ULK4: variants seen among roughly 807,000 people sequenced by gnomAD.
ULK4 encodes the protein inactive serine/threonine-protein kinase ULK4.
In ULK4, 133 loss-of-function variants were observed where a neutral mutation model predicts 160.6. The ratio of observed to expected loss-of-function variants is 0.83; its 90% CI spans 0.72 to 0.96. ULK4 has a LOEUF of 0.96. Among genes scored for constraint, ULK4 ranks in the 40% least tolerant of loss-of-function variants. The pLI, the probability that ULK4 is intolerant of heterozygous loss-of-function variation, is 0.00. For synonymous variants in ULK4, 534 were observed against 539.8 expected, an observed-to-expected ratio of 0.99 and a Z score of 0.15; for missense variants, 1,580 against 1,499.5, an observed-to-expected ratio of 1.05 and a Z score of -0.89.
chr3:41,942,255 A>ACGC (rs1699982136), intron 2 of ULK4, among the ~76,000 whole-genome samples: 1 of 152,246 alleles, frequency 6.6e-6, no homozygotes, highest in African/African-American at 2.4e-5. Flanking sequence ...GCAGTGGCTA[A>ACGC]CACCTGTAAA....
chr3:41,687,822 T>C (rs1340449539), intron 27 of ULK4: 1 of 152,246 alleles, frequency 6.6e-6, no homozygotes, highest in Non-Finnish European at 1.5e-5. Context: ...ATATTCCTGA[T>C]AATGTACTTG....
intron 32 of ULK4, among the ~76,000 whole-genome samples, chr3:41,519,511 A>G (rs1427712353): frequency 6.6e-6 from 1 of 152,208 alleles, no homozygotes; most frequent in African/African-American, 2.4e-5. Context: ...GAGACATTTG[A>G]TGTTCCTCAG....
In ULK4 at chr3:41,495,039, C is replaced by T. The variant is rs1486042196; in HGVS notation, c.3227-31786G>A. Among the ~76,000 whole-genome samples, 5 of 152,192 alleles carry T rather than the reference C, an allele frequency of 3.3e-5. No individual in the cohort carries two copies. The East Asian group carries it at 7.7e-4, about 23-fold the overall frequency. Reference sequence around the variant, plus strand: ...TTTATAGATTCAATGCCATCCCCATCAAGCTACCAACGACTTTCTTCACAG... The same window carrying T: ...TTTATAGATTCAATGCCATCCCCATTAAGCTACCAACGACTTTCTTCACAG... On this transcript the variant is annotated intron_variant, in intron 32 of 36. Coordinates refer to ENST00000301831, the MANE Select transcript of ULK4 (RefSeq NM_017886.4).
At chr3:41,376,275 A>G (rs148250057) in intron 35 of ULK4, among the ~76,000 whole-genome samples, 12 of 150,464 alleles carry the variant, frequency 8.0e-5, no homozygotes, top group Admixed American at 2.0e-4. Flanking sequence ...TTTTCTGGGT[A>G]CATATCCAAA....
intron 35 of ULK4, among the ~76,000 whole-genome samples, chr3:41,272,000 T>A (rs934539701): frequency 1.3e-5 from 2 of 152,198 alleles, no homozygotes; most frequent in Admixed American, 6.5e-5. Context: ...CACTGCAACC[T>A]CTGCCTCCCA....
chr3:41,754,713 TAA>T (rs2038740336), intron 21 of ULK4, among the ~76,000 whole-genome samples: 1 of 152,162 alleles, frequency 6.6e-6, no homozygotes, highest in Non-Finnish European at 1.5e-5. Context: ...GTCCCCGCTT[TAA>T]AGAGAAAAAT....
chr3:41,307,895 G>A (rs10212258), intron 35 of ULK4, among the ~76,000 whole-genome samples: 43,887 of 151,952 alleles, frequency 0.29, 6,716 homozygotes, highest in Middle Eastern at 0.35. Context: ...ATCCTCAGTG[G>A]GAAAACACAC....
intron 31 of ULK4, among the ~76,000 whole-genome samples, chr3:41,601,336 A>T (rs924453656): frequency 1.3e-5 from 2 of 152,242 alleles, no homozygotes; most frequent in Non-Finnish European, 2.9e-5. Flanking sequence ...GAAATTTTAA[A>T]AACTGTCAGA....
At chr3:41,936,021 A>G (rs1699765724) in intron 3 of ULK4, 81 bp from the exon 4 acceptor site, 1 of 1,539,978 alleles carries the variant, frequency 6.5e-7, no homozygotes, top group Admixed American at 2.1e-5. Context: ...GCTGACAGAT[A>G]CGAACATTAA....
chr3:41,539,161 T>C lies in ULK4; in HGVS notation c.3226+26864A>G, dbSNP rs529870559. On this transcript the variant is annotated intron_variant, in intron 32 of 36. Coordinates refer to ENST00000301831, the MANE Select transcript of ULK4 (RefSeq NM_017886.4). Reference sequence around the variant, plus strand: ...ACAAATCCACATATAAGTGGAATCATGCAGTTCAAACCATGTTGTTCAAGG... The same window carrying C: ...ACAAATCCACATATAAGTGGAATCACGCAGTTCAAACCATGTTGTTCAAGG... Among the ~76,000 whole-genome samples the C allele has an allele frequency of 1.9e-4, 28 of 145,982 alleles. No individual in the cohort carries two copies. In the South Asian group the frequency reaches 6.1e-3, roughly 32 times the overall value.
At chr3:41,532,661 C>T (rs974428420) in intron 32 of ULK4, among the ~76,000 whole-genome samples, 1 of 152,090 alleles carries the variant, frequency 6.6e-6, no homozygotes, top group Non-Finnish European at 1.5e-5. Context: ...CACAGTCACA[C>T]ATTCATTTAT....
At position 41,610,496 on chromosome 3, in the gene ULK4, A is replaced by G. The variant is rs1245735614; in HGVS notation, c.3120+5173T>C. Among the ~76,000 whole-genome samples the G allele has an allele frequency of 2.6e-5, 4 of 152,232 alleles. No individual in the cohort carries two copies. In the East Asian group the frequency reaches 7.7e-4, roughly 29 times the overall value. On this transcript the variant is annotated intron_variant, in intron 31 of 36. Coordinates refer to ENST00000301831, the MANE Select transcript of ULK4 (RefSeq NM_017886.4). ...TTACAAGTAGAGTGGAGCAAATTTT[A>G]TAAGCCTGATGGATGCATAGGATTG...
At chr3:41,427,432 C>T (rs2082802522) in intron 34 of ULK4, among the ~76,000 whole-genome samples, 1 of 152,176 alleles carries the variant, frequency 6.6e-6, no homozygotes, top group South Asian at 2.1e-4. Flanking sequence ...TGGCCAGCAT[C>T]ATCTTGATAC....
intron 32 of ULK4, among the ~76,000 whole-genome samples, chr3:41,530,155 C>T (rs761981702): frequency 6.6e-6 from 1 of 152,142 alleles, no homozygotes. Flanking sequence ...AGAAACTATA[C>T]GTTAAACAAA....
chr3:41,774,054 C>T (rs1181226089), intron 21 of ULK4, among the ~76,000 whole-genome samples: 1 of 152,104 alleles, frequency 6.6e-6, no homozygotes, highest in African/African-American at 2.4e-5. Flanking sequence ...TTCCTTACAC[C>T]TTATACAAAA....
At chr3:41,641,508 G>A (rs543072395) in intron 30 of ULK4, among the ~76,000 whole-genome samples, 1 of 152,106 alleles carries the variant, frequency 6.6e-6, no homozygotes, top group African/African-American at 2.4e-5. Context: ...ACCACTCTGG[G>A]CAACACAGGG....
At chr3:41,946,093 G>A (rs1035417189) in intron 2 of ULK4, among the ~76,000 whole-genome samples, 1 of 151,876 alleles carries the variant, frequency 6.6e-6, no homozygotes, top group Admixed American at 6.6e-5. Context: ...TTGTGTGCTG[G>A]TTACATGGGT....
chr3:41,549,394 T>C (rs2086983832), intron 32 of ULK4, among the ~76,000 whole-genome samples: 1 of 151,970 alleles, frequency 6.6e-6, no homozygotes, highest in South Asian at 2.1e-4. Context: ...ATTAAATGAA[T>C]GGAATAAAAA....
intron 35 of ULK4, among the ~76,000 whole-genome samples, chr3:41,368,886 A>T (rs1455390127): frequency 6.6e-6 from 1 of 152,230 alleles, no homozygotes; most frequent in East Asian, 1.9e-4. Context: ...TTAAAAAAAT[A>T]CTGCTTAAAA....
Sources: gnomAD v4.1 joint callset for allele counts (sites outside exome capture counted in the v4.1 genomes callset) on GRCh38, gnomAD v4.1.1 for gene constraint, MANE v1.5 for transcripts, NCBI Gene and HGNC (gene_info 2026-07-23, HGNC 2026-07-21) for gene names.